Variants in SPI1 observed in about 807,000 individuals in gnomAD.
SPI1 encodes the protein Spi-1 proto-oncogene.
SPI1 carries 3 observed loss-of-function variants against 30.7 expected under a neutral mutation model. The ratio of observed to expected loss-of-function variants is 0.10; its 90% CI spans 0.04 to 0.25. The LOEUF (loss-of-function observed/expected upper bound fraction) is 0.25. Ranked by LOEUF, SPI1 falls within the 10% of genes least tolerant of loss-of-function variation. The pLI, the probability that SPI1 is intolerant of heterozygous loss-of-function variation, is 1.00. For missense variants in SPI1, 261 were observed against 371.5 expected, an observed-to-expected ratio of 0.70 and a Z score of 2.45; for synonymous variants, 169 against 157.1, an observed-to-expected ratio of 1.08 and a Z score of -0.56.
chr11:47,370,918 T>C (rs2095934836), intron 2 of SPI1, among the ~76,000 whole-genome samples: 1 of 152,056 alleles, frequency 6.6e-6, no homozygotes, highest in Non-Finnish European at 1.5e-5. Flanking sequence ...TAAAGTTGAA[T>C]TCTGATTGTA....
intron 2 of SPI1, among the ~76,000 whole-genome samples, chr11:47,371,187 T>C (rs371011612): frequency 2.0e-5 from 3 of 150,586 alleles, no homozygotes; most frequent in Non-Finnish European, 3.0e-5. Flanking sequence ...GGTGAAACCC[T>C]GCCTCTACTA....
intron 2 of SPI1, among the ~76,000 whole-genome samples, chr11:47,366,913 A>AAAAC (rs2095929141): frequency 6.6e-6 from 1 of 152,248 alleles, no homozygotes; most frequent in Non-Finnish European, 1.5e-5. Flanking sequence ...TCTACCTTGG[A>AAAAC]TTCTAATTAT....
chr11:47,367,233 T>A (rs1402055523), intron 2 of SPI1, among the ~76,000 whole-genome samples: 1 of 152,022 alleles, frequency 6.6e-6, no homozygotes, highest in Non-Finnish European at 1.5e-5. Flanking sequence ...TGGATAGAAT[T>A]CACATTTTGG....
At chr11:47,376,483 A>G (rs1371856834) in intron 1 of SPI1, among the ~76,000 whole-genome samples, 1 of 151,974 alleles carries the variant, frequency 6.6e-6, no homozygotes, top group Non-Finnish European at 1.5e-5. Flanking sequence ...TTAGGGGCCG[A>G]GCGCATGGAG....
At chr11:47,355,820 C>G (rs1305886382) in intron 4 of SPI1, among the ~76,000 whole-genome samples, 1 of 148,372 alleles carries the variant, frequency 6.7e-6, no homozygotes, top group African/African-American at 2.5e-5. Flanking sequence ...GCACCAAGTA[C>G]ACACACATGC....
rs139485030 is a variant in SPI1, at chr11:47,375,200, G to A, written c.142+433C>T. On this transcript the variant is annotated intron_variant, in intron 2 of 4. Coordinates refer to ENST00000378538, the MANE Select transcript of SPI1 (RefSeq NM_003120.3). This position sits in a 1 kb window ranked among gnomAD's most constrained non-coding sequence, Gnocchi z 4.2. ...ACATGGCAGGAAGTGCGGATGTGCC[G>A]GCGGGGAGTTTGGGACAGAGAGTGA... is the stretch of plus-strand genomic sequence containing the variant. Among the ~76,000 whole-genome samples, 644 of 152,312 alleles carry A rather than the reference G, an allele frequency of 4.2e-3. 1 individual carries two copies. The highest frequency in any genetic ancestry group is 0.015 in the African/African-American group (624 of 41,570).
At chr11:47,355,628 C>T (rs1364161853) in intron 4 of SPI1, 82 bp from the exon 5 acceptor site, 5 of 1,274,534 alleles carry the variant, frequency 3.9e-6, no homozygotes, top group Non-Finnish European at 4.2e-6. Context: ...GCACAGGGGC[C>T]CGGGGACGGG....
chr11:47,368,038 C>G (rs2142892267), intron 2 of SPI1, among the ~76,000 whole-genome samples: 2 of 152,176 alleles, frequency 1.3e-5, no homozygotes, highest in South Asian at 4.1e-4. Flanking sequence ...CAGGCATGAG[C>G]CACTGTGCCC....
intron 2 of SPI1, 55 bp from the exon 3 acceptor site, chr11:47,360,095 A>G: frequency 7.1e-7 from 1 of 1,409,266 alleles, no homozygotes; most frequent in East Asian, 2.5e-5. Flanking sequence ...CAGGGCAGGA[A>G]AAGGTTATAG....
intron 1 of SPI1, among the ~76,000 whole-genome samples, chr11:47,376,130 G>T (rs889682543): frequency 6.6e-6 from 1 of 151,776 alleles, no homozygotes; most frequent in Non-Finnish European, 1.5e-5. Flanking sequence ...CACTCTCACA[G>T]CCCCTACCCA....
At chr11:47,356,575 T>C (rs1486446384) in intron 4 of SPI1, among the ~76,000 whole-genome samples, 1 of 149,296 alleles carries the variant, frequency 6.7e-6, no homozygotes, top group Non-Finnish European at 1.5e-5. Flanking sequence ...CACCTGCTCA[T>C]ACACCTCACA....
Position 47,374,140 on chromosome 11 carries a change from G to A in SPI1, c.142+1493C>T, listed in dbSNP as rs1167959750. Among the ~76,000 whole-genome samples the A allele has an allele frequency of 6.6e-6, 1 of 152,190 alleles. No homozygotes were observed. The highest frequency in any genetic ancestry group is 6.5e-5 in the Admixed American group (1 of 15,274). On this transcript the variant is annotated intron_variant, in intron 2 of 4. Transcript: ENST00000378538. This position sits in a 1 kb window ranked among gnomAD's most constrained non-coding sequence, Gnocchi z 4.5. ...CGGGACCTCCTGGAGTCCTGGAACC[G>A]CTTGGGAAGGTGGGTGCGTGGTCTC...
intron 2 of SPI1, among the ~76,000 whole-genome samples, chr11:47,371,667 TAA>T (rs202084665): frequency 1.4e-5 from 2 of 138,476 alleles, no homozygotes; most frequent in Admixed American, 7.2e-5. Flanking sequence ...AACTCCGTCT[TAA>T]AAAAAAAAAA....
rs191730357 is a variant in SPI1 at position 47,376,643 on chromosome 11, T to C, written c.46-914A>G. 2.3e-4 allele frequency among the ~76,000 whole-genome samples: 34 copies of C among 151,012 alleles called. 2 individuals carry two copies. The East Asian group carries it at 4.5e-3, about 20-fold the overall frequency. On this transcript the variant is annotated intron_variant, in intron 1 of 4. Coordinates refer to ENST00000378538, the MANE Select transcript of SPI1 (RefSeq NM_003120.3). ...TCTTCCCCCTCTTCCCTGTCCTCCTTCTTTCCTCCCACCTTCCTCCCTCCT... is the reference window on the plus strand; with the variant it reads ...TCTTCCCCCTCTTCCCTGTCCTCCTCCTTTCCTCCCACCTTCCTCCCTCCT...
intron 2 of SPI1, among the ~76,000 whole-genome samples, chr11:47,372,308 C>T (rs1385151368): frequency 6.6e-6 from 1 of 152,042 alleles, no homozygotes; most frequent in Non-Finnish European, 1.5e-5. Context: ...GCCAGGATAG[C>T]CTCTATCTCT....
chr11:47,358,219 CAT>C (rs1181377085), intron 4 of SPI1: 1 of 317,118 alleles, frequency 3.2e-6, no homozygotes, highest in Non-Finnish European at 6.1e-6. Flanking sequence ...ATATCACACA[CAT>C]CCCTGCTTAC....
At chr11:47,369,055 G>A (rs1228045980) in intron 2 of SPI1, among the ~76,000 whole-genome samples, 2 of 152,168 alleles carry the variant, frequency 1.3e-5, no homozygotes, top group African/African-American at 4.8e-5. Context: ...AGACCAGCCT[G>A]GCCAACATGG....
Position 47,376,443 on chromosome 11 carries a change from A to G in SPI1, c.46-714T>C, listed in dbSNP as rs375964408. ...GGCACCACAATGACCCTCCACACTG[A>G]CGGTTGGTGCAGGGGTCACCCAGGC... is the stretch of plus-strand genomic sequence containing the variant. On this transcript the variant is annotated intron_variant, in intron 1 of 4. Transcript: ENST00000378538. 2.9e-4 allele frequency among the ~76,000 whole-genome samples: 44 copies of G among 152,058 alleles called. No homozygotes were observed. In the East Asian group the frequency reaches 4.7e-3, roughly 16 times the overall value.
chr11:47,357,182 C>G (rs1316390048), intron 4 of SPI1, among the ~76,000 whole-genome samples: 1 of 150,300 alleles, frequency 6.7e-6, no homozygotes, highest in Admixed American at 6.6e-5. Context: ...CTCACACCCA[C>G]TCACACACAC....
Sources: gnomAD v4.1 joint callset for allele counts (sites outside exome capture counted in the v4.1 genomes callset) on GRCh38, gnomAD v4.1.1 for gene constraint, Gnocchi (gnomAD v3.1) non-coding constraint, MANE v1.5 for transcripts, NCBI Gene and HGNC (gene_info 2026-07-23, HGNC 2026-07-21) for gene names.